Variants in CDH13 observed in about 807,000 individuals in gnomAD.
CDH13 encodes cadherin 13, also known as cadherin-13.
Under a neutral mutation model 63.8 loss-of-function variants are expected in CDH13, and 24 were observed. The observed-to-expected ratio is 0.38, with a 90% CI of 0.27 to 0.53. CDH13 has a LOEUF of 0.53. Ranked by LOEUF, CDH13 falls within the 20% of genes least tolerant of loss-of-function variation. The pLI is 0.85. For synonymous variants in CDH13, 503 were observed against 355.3 expected, an observed-to-expected ratio of 1.42 and a Z score of -4.67; for missense variants, 1,049 against 903.1, an observed-to-expected ratio of 1.16 and a Z score of -2.07.
intron 1 of CDH13, among the ~76,000 whole-genome samples, chr16:82,730,671 C>T (rs1479463870): frequency 2.6e-5 from 4 of 152,166 alleles, no homozygotes; most frequent in Non-Finnish European, 1.5e-5. Flanking sequence ...GACACCAATA[C>T]ACTTGCTCAA....
intron 5 of CDH13, among the ~76,000 whole-genome samples, chr16:83,252,138 G>GTATATATA (rs59872467): frequency 0.015 from 1,806 of 121,010 alleles, 34 homozygotes; most frequent in African/African-American, 0.048. Context: ...ACATATATAT[G>GTATATATA]TATATATATA....
At chr16:83,560,257 A>G (rs1460008886) in intron 7 of CDH13, among the ~76,000 whole-genome samples, 1 of 152,220 alleles carries the variant, frequency 6.6e-6, no homozygotes, top group Non-Finnish European at 1.5e-5. Flanking sequence ...TCTTACTTTT[A>G]TCCATAGTTT....
Position 82,780,486 on chromosome 16 carries a change from C to T in CDH13, c.46-77876C>T, listed in dbSNP as rs369314016. Among the ~76,000 whole-genome samples the T allele has an allele frequency of 2.6e-4, 39 of 152,296 alleles. No homozygotes were observed. In the East Asian group the frequency reaches 6.6e-3, roughly 26 times the overall value. ...TGCACATTTTCAACTGACTCTTCCC[C>T]TCTGCAGCCAAGTTGACATATTAGT... On this transcript the variant is annotated intron_variant, in intron 1 of 13. Transcript: ENST00000567109.
chr16:82,840,772 C>A (rs558042867), intron 1 of CDH13, among the ~76,000 whole-genome samples: 1 of 151,702 alleles, frequency 6.6e-6, no homozygotes, highest in East Asian at 1.9e-4. Flanking sequence ...AATATGGAAG[C>A]TGCTTTAAGG....
At chr16:82,867,883 C>T (rs1034934252) in intron 2 of CDH13, among the ~76,000 whole-genome samples, 2 of 152,206 alleles carry the variant, frequency 1.3e-5, no homozygotes, top group Admixed American at 1.3e-4. Flanking sequence ...TTCAAGCTGA[C>T]TTAGGCTTTT....
chr16:82,779,545 C>T (rs866738422), intron 1 of CDH13, among the ~76,000 whole-genome samples: 5 of 152,176 alleles, frequency 3.3e-5, no homozygotes, highest in Middle Eastern at 3.4e-3. Flanking sequence ...GTCAGTGGCT[C>T]CAAGGGGCGG....
At chr16:82,674,423 T>C (rs903680844) in intron 1 of CDH13, among the ~76,000 whole-genome samples, 1 of 152,224 alleles carries the variant, frequency 6.6e-6, no homozygotes, top group Non-Finnish European at 1.5e-5. Context: ...TGAAGGGGCA[T>C]GAGAAGTGTT....
At chr16:82,821,599 C>A (rs753618750) in intron 1 of CDH13, among the ~76,000 whole-genome samples, 2 of 152,178 alleles carry the variant, frequency 1.3e-5, no homozygotes, top group African/African-American at 4.8e-5. Flanking sequence ...TTGCTGACTA[C>A]AAGGGAAGAA....
At chr16:83,199,697 C>T (rs891455477) in intron 4 of CDH13, among the ~76,000 whole-genome samples, 3 of 152,114 alleles carry the variant, frequency 2.0e-5, no homozygotes, top group South Asian at 2.1e-4. Flanking sequence ...TCATGAGTGT[C>T]GTTAACATTT....
chr16:83,719,426 T>A (rs1007985944), intron 10 of CDH13, among the ~76,000 whole-genome samples: 1 of 151,590 alleles, frequency 6.6e-6, no homozygotes, highest in Admixed American at 6.6e-5. Flanking sequence ...ACACTCCACG[T>A]CACTCACCCA....
intron 1 of CDH13, among the ~76,000 whole-genome samples, chr16:82,700,016 C>T (rs1226495509): frequency 6.6e-6 from 1 of 152,202 alleles, no homozygotes; most frequent in Non-Finnish European, 1.5e-5. Context: ...GATTGGCTTA[C>T]TCTAGAAGTT....
chr16:83,537,111 T>G (rs2075206447), intron 7 of CDH13, among the ~76,000 whole-genome samples: 1 of 152,240 alleles, frequency 6.6e-6, no homozygotes, highest in African/African-American at 2.4e-5. Flanking sequence ...ATGACTTAAT[T>G]GAAATCAAAT....
At position 83,165,083 on chromosome 16, in the gene CDH13, GA is replaced by G. The variant is rs397774378; in HGVS notation, c.483+39597del. Reference sequence around the variant, plus strand: ...GTGTGGGAGATGAGTAGAAGCAGGAGAAAAAAAAAAAAAAAGTAAAATGTAG... The same window carrying G: ...GTGTGGGAGATGAGTAGAAGCAGGAGAAAAAAAAAAAAAAGTAAAATGTAG... On this transcript the variant is annotated intron_variant, in intron 4 of 13. Coordinates refer to ENST00000567109, the MANE Select transcript of CDH13 (RefSeq NM_001257.5). Among the ~76,000 whole-genome samples the G allele has an allele frequency of 4.7e-3, 597 of 127,358 alleles. 6 individuals carry two copies. Among genetic ancestry groups the G allele is most frequent in the Middle Eastern group, 8.1e-3 (2 of 248 alleles). 83.6% of individuals were successfully genotyped at this position (127,358 alleles called of 152,430 possible). A position where few individuals can be genotyped will look rare whatever the true frequency, so the allele number is the denominator to read the frequency against.
chr16:83,073,342 TGTGTGTGTGTGTGA>T (rs1030999085), intron 3 of CDH13, among the ~76,000 whole-genome samples: 4 of 133,630 alleles, frequency 3.0e-5, no homozygotes, highest in South Asian at 2.3e-4. Flanking sequence ...TGTGTGTGTG[TGTGTGTGTGTGTGA>T]GAGAGAGAGA....
chr16:83,717,584 G>A (rs1051946855), intron 10 of CDH13, among the ~76,000 whole-genome samples: 29 of 152,208 alleles, frequency 1.9e-4, no homozygotes, highest in African/African-American at 6.5e-4. Context: ...GCTGACTCTT[G>A]GTGTCTATTT....
At chr16:83,128,616 T>C (rs2035913344) in intron 4 of CDH13, among the ~76,000 whole-genome samples, 1 of 152,266 alleles carries the variant, frequency 6.6e-6, no homozygotes, top group Non-Finnish European at 1.5e-5. Context: ...ATTTAGACAA[T>C]AAATTATGTA....
intron 1 of CDH13, among the ~76,000 whole-genome samples, chr16:82,736,781 A>C (rs993749373): frequency 2.0e-5 from 3 of 152,084 alleles, no homozygotes; most frequent in Non-Finnish European, 4.4e-5. Context: ...CCTTCGGGCA[A>C]TTTGATCTGC....
In CDH13 at chr16:82,981,355, C is replaced by T. The variant is rs191472816; in HGVS notation, c.158-50655C>T. Among the ~76,000 whole-genome samples the T allele has an allele frequency of 1.4e-3, 217 of 152,198 alleles. 1 individual carries two copies. The highest frequency in any genetic ancestry group is 4.9e-3 in the African/African-American group (203 of 41,534). ...ACTGCAGTCCAATTTCAAATTCTTC[C>T]GTCTCACCATGAATCTCCAGTCTTG... is the stretch of plus-strand genomic sequence containing the variant. On this transcript the variant is annotated intron_variant, in intron 2 of 13. Transcript: ENST00000567109.
intron 1 of CDH13, among the ~76,000 whole-genome samples, chr16:82,646,931 G>A (rs1243630754): frequency 6.6e-6 from 1 of 152,188 alleles, no homozygotes; most frequent in Non-Finnish European, 1.5e-5. Flanking sequence ...TGAATGTGAA[G>A]GCAACGTGAG....
Sources: allele counts gnomAD v4.1 joint callset (sites outside exome capture counted in the v4.1 genomes callset), GRCh38; gene constraint gnomAD v4.1.1; transcripts MANE v1.5; gene names NCBI Gene and HGNC (gene_info 2026-07-23, HGNC 2026-07-21).